Variants in EPS8 observed in about 807,000 individuals in gnomAD.
EPS8 encodes epidermal growth factor receptor kinase substrate 8.
Under a neutral mutation model 103.8 loss-of-function variants are expected in EPS8, and 42 were observed. The ratio of observed to expected loss-of-function variants is 0.40; its 90% confidence interval spans 0.32 to 0.52. The LOEUF (loss-of-function observed/expected upper bound fraction) is 0.52. EPS8 is among the 20% of genes least tolerant of loss of function. EPS8 has a pLI of 0.40. For missense variants in EPS8, 969 were observed against 1,005.1 expected (o/e 0.96, Z 0.49); for synonymous variants, 344 against 344.6 (o/e 1.00, Z 0.02).
At position 15,684,808 on chromosome 12, in the gene EPS8, T is replaced by C. The variant is rs1946068675; in HGVS notation, c.-21-1836A>G. Among the ~76,000 whole-genome samples, 1 of 152,208 alleles carries C rather than the reference T, an allele frequency of 6.6e-6. No individual in the cohort carries two copies. Among genetic ancestry groups the C allele is most frequent in the African/African-American group, 2.4e-5 (1 of 41,462 alleles). On this transcript the variant is annotated intron_variant, in intron 1 of 20. Coordinates refer to ENST00000281172, the MANE Select transcript of EPS8 (RefSeq NM_004447.6). This position sits in a 1 kb window ranked among gnomAD's most constrained non-coding sequence, Gnocchi z 4.9. ...CCTATCCACTGCTTAAAAGCACATT[T>C]ATAAATTAAGAAGCAAAGAAAGATC...
chr12:15,720,494 C>T (rs1171296885), intron 1 of EPS8, among the ~76,000 whole-genome samples: 1 of 152,120 alleles, frequency 6.6e-6, no homozygotes. Context: ...ATAATGGTCA[C>T]ACTACTGATG....
Position 15,750,087 on chromosome 12 carries a change from G to A in EPS8, c.-22+39074C>T, listed in dbSNP as rs545225573. On this transcript the variant is annotated intron_variant, in intron 1 of 20. Coordinates refer to ENST00000281172, the MANE Select transcript of EPS8 (RefSeq NM_004447.6). Reference sequence around the variant, plus strand: ...GCTTGGATGAAGATAAGAAGAAAACGGGGAGCCAAGAGTGACAACGATCTC... The same window carrying A: ...GCTTGGATGAAGATAAGAAGAAAACAGGGAGCCAAGAGTGACAACGATCTC... Among the ~76,000 whole-genome samples the A allele has an allele frequency of 1.1e-4, 16 of 152,204 alleles. No individual in the cohort carries two copies. The South Asian group carries it at 2.9e-3, about 28-fold the overall frequency.
rs756267621 is a variant in EPS8 at position 15,662,027 on chromosome 12, A to G, written c.809T>C (p.Val270Ala). Reference sequence around the variant, plus strand: ...TCTAAAGGCGACTCCTGTACTTACCACATCTCTGTCAATGCGGGCTGCCAT... The same window carrying G: ...TCTAAAGGCGACTCCTGTACTTACCGCATCTCTGTCAATGCGGGCTGCCAT... ...EMMAARIDRD[V>A]QILNHILDDI... Residue 270 changes from valine (V) to alanine (A), a missense_variant and splice_region_variant, in exon 9 of 21, where the codon GTG becomes GCG. Physicochemically the swap from Val to Ala is moderately conservative, Grantham distance 64. Coordinates refer to ENST00000281172, the MANE Select transcript of EPS8 (RefSeq NM_004447.6). 6.2e-7 allele frequency: 1 copy of G among 1,612,634 alleles called. No individual in the cohort carries two copies. Among genetic ancestry groups the G allele is most frequent in the Non-Finnish European group, 8.5e-7 (1 of 1,178,740 alleles).
chr12:15,641,961 T>G, intron 15 of EPS8, 131 bp from the exon 16 acceptor site: 1 of 430,054 alleles, frequency 2.3e-6, no homozygotes, highest in Non-Finnish European at 4.1e-6. Context: ...TTTTATTATA[T>G]TTTACATTAT....
In EPS8 at chr12:15,640,755, G is replaced by A. The variant is rs1945214655; in HGVS notation, c.1769C>T (p.Pro590Leu). 1 of 1,613,774 alleles carries A rather than the reference G, an allele frequency of 6.2e-7. No homozygotes were observed. The highest frequency in any genetic ancestry group is 1.3e-5 in the African/African-American group (1 of 74,892). Residue 590 changes from proline (P) to leucine (L), a missense_variant, in exon 17 of 21, where the codon CCT becomes CTT. By Grantham distance (98) the Pro-to-Leu change is moderately conservative. Transcript: ENST00000281172. ...VPNNILDIVR[P>L]PESGLGRADP... ...AGCACGCCCCAATCCAGATTCTGGAGGTCTCACAATATCCAAAATGTTATT... is the reference window on the plus strand; with the variant it reads ...AGCACGCCCCAATCCAGATTCTGGAAGTCTCACAATATCCAAAATGTTATT...
intron 1 of EPS8, among the ~76,000 whole-genome samples, chr12:15,783,453 G>A (rs369316337): frequency 1.3e-5 from 2 of 152,084 alleles, no homozygotes; most frequent in African/African-American, 2.4e-5. Context: ...CACTATTGAA[G>A]GGTCAACTGT....
chr12:15,743,411 AC>A (rs1302636251), intron 1 of EPS8, among the ~76,000 whole-genome samples: 2 of 152,200 alleles, frequency 1.3e-5, no homozygotes, highest in Non-Finnish European at 2.9e-5. Flanking sequence ...GGAAAAAACT[AC>A]TTTAAAGTTC....
chr12:15,768,616 G>A (rs189053694), intron 1 of EPS8, among the ~76,000 whole-genome samples: 1 of 151,690 alleles, frequency 6.6e-6, no homozygotes, highest in Non-Finnish European at 1.5e-5. Context: ...TTTTTGAAGG[G>A]AGAAAATAGG....
rs779655595 is a variant in EPS8, at chr12:15,716,760, T to C, written c.-21-33788A>G. 1.3e-5 allele frequency among the ~76,000 whole-genome samples: 2 copies of C among 152,092 alleles called. No homozygotes were observed. The highest frequency in any genetic ancestry group is 6.5e-5 in the Admixed American group (1 of 15,272). Reference sequence around the variant, plus strand: ...TCATCAGATCCAAAATGATGTGAGGTCACTTACATAAATTGTTAGGACAAC... The same window carrying C: ...TCATCAGATCCAAAATGATGTGAGGCCACTTACATAAATTGTTAGGACAAC... On this transcript the variant is annotated intron_variant, in intron 1 of 20. Transcript: ENST00000281172. The surrounding 1 kb of genome is among the most constrained non-coding windows in gnomAD (Gnocchi z 5.0).
chr12:15,698,618 G>A lies in EPS8; in HGVS notation c.-21-15646C>T, dbSNP rs943170497. 1.1e-4 allele frequency among the ~76,000 whole-genome samples: 16 copies of A among 151,290 alleles called. No individual in the cohort carries two copies. Among genetic ancestry groups the A allele is most frequent in the African/African-American group, 3.6e-4 (15 of 41,176 alleles). On this transcript the variant is annotated intron_variant, in intron 1 of 20. Transcript: ENST00000281172. This position sits in a 1 kb window ranked among gnomAD's most constrained non-coding sequence, Gnocchi z 4.9. ...CAGGAATAGCACGTACCGGCACATA[G>A]TAGCACATTCAAACTATTTAGCTGG...
rs1216693648 is a variant in EPS8, at chr12:15,738,978, T to A, written c.-22+50183A>T. Among the ~76,000 whole-genome samples, 4 of 152,230 alleles carry A rather than the reference T, an allele frequency of 2.6e-5. No homozygotes were observed. Among genetic ancestry groups the A allele is most frequent in the Non-Finnish European group, 5.9e-5 (4 of 68,044 alleles). On this transcript the variant is annotated intron_variant, in intron 1 of 20. Coordinates refer to ENST00000281172, the MANE Select transcript of EPS8 (RefSeq NM_004447.6). The surrounding 1 kb of genome is among the most constrained non-coding windows in gnomAD (Gnocchi z 6.2). ...ACCCCTTAGTCCATGCAGGCATGTC[T>A]ATGCAGATTGCTCTAATATAGCACA...
intron 2 of EPS8, among the ~76,000 whole-genome samples, chr12:15,681,610 A>G (rs1284765672): frequency 6.6e-6 from 1 of 151,176 alleles, no homozygotes. Flanking sequence ...CATGCCTGTA[A>G]TCCCAGCTAC....
intron 1 of EPS8, among the ~76,000 whole-genome samples, chr12:15,770,317 A>G (rs529862785): frequency 6.6e-6 from 1 of 150,628 alleles, no homozygotes. Flanking sequence ...AGAAGAAGGG[A>G]AAGGGAAAAA....
At chr12:15,765,235 G>A (rs1947081291) in intron 1 of EPS8, among the ~76,000 whole-genome samples, 1 of 152,148 alleles carries the variant, frequency 6.6e-6, no homozygotes, top group East Asian at 1.9e-4. Flanking sequence ...ATCCCAAAAA[G>A]TGATGCCTAG....
chr12:15,654,989 TA>T lies in EPS8; in HGVS notation c.1102-697del, dbSNP rs537283364. Among the ~76,000 whole-genome samples, 987 of 149,416 alleles carry T rather than the reference TA, an allele frequency of 6.6e-3. 6 individuals are homozygous for T. The highest frequency in any genetic ancestry group is 0.022 in the African/African-American group (915 of 40,846). ...TACTTCTTATGAGCTATTTTCTGGC[TA>T]AAAAAAAAATGGTAGTTATCTCCTA... On this transcript the variant is annotated intron_variant, in intron 12 of 20. Coordinates refer to ENST00000281172, the MANE Select transcript of EPS8 (RefSeq NM_004447.6).
chr12:15,692,734 T>A (rs1946191858), intron 1 of EPS8, among the ~76,000 whole-genome samples: 1 of 152,036 alleles, frequency 6.6e-6, no homozygotes, highest in Non-Finnish European at 1.5e-5. Context: ...GTTTTTCATT[T>A]TGTAATTTTT....
intron 1 of EPS8, among the ~76,000 whole-genome samples, chr12:15,692,319 G>GTTTTTTGTTTTTTTTTTTT (rs1565503010): frequency 8.3e-6 from 1 of 120,320 alleles, no homozygotes; most frequent in African/African-American, 3.3e-5. Context: ...AAGAGGTTTG[G>GTTTTTTGTTTTTTTTTTTT]TTTTTTTTTT....
At chr12:15,674,020 C>A (rs182260837) in intron 3 of EPS8, among the ~76,000 whole-genome samples, 75 of 152,234 alleles carry the variant, frequency 4.9e-4, no homozygotes, top group Admixed American at 7.2e-4. Context: ...TATTTACATA[C>A]AATTTTATCA....
chr12:15,750,891 C>CT (rs1020760233), intron 1 of EPS8, among the ~76,000 whole-genome samples: 13 of 152,242 alleles, frequency 8.5e-5, no homozygotes, highest in Middle Eastern at 3.4e-3. Flanking sequence ...AATATCCCTT[C>CT]TTTTTTTAGT....
Sources: gnomAD v4.1 joint callset for allele counts (sites outside exome capture counted in the v4.1 genomes callset) on GRCh38, gnomAD v4.1.1 for gene constraint, Gnocchi (gnomAD v3.1) non-coding constraint, MANE v1.5 for transcripts, NCBI Gene and HGNC (gene_info 2026-07-23, HGNC 2026-07-21) for gene names.